The following ATP11C variants were observed in gnomAD, a reference collection of about 807,000 sequenced individuals.
ATP11C encodes phospholipid-transporting ATPase IG.
In ATP11C, 36 loss-of-function variants were observed where a neutral mutation model predicts 97.4. The ratio of observed to expected loss-of-function variants is 0.37; its 90% CI spans 0.28 to 0.49. ATP11C has a LOEUF of 0.49. ATP11C is among the 20% of genes least tolerant of loss of function. ATP11C has a pLI of 0.98. For missense variants in ATP11C, 730 were observed against 824.6 expected (o/e 0.89, Z 1.40); for synonymous variants, 275 against 290.9 (o/e 0.95, Z 0.56).
intron 19 of ATP11C, among the ~76,000 whole-genome samples, chrX:139,770,104 G>C (rs1439689623): frequency 9.0e-6 from 1 of 111,651 alleles, no homozygotes; most frequent in Non-Finnish European, 1.9e-5. Context: ...TACTTATGGG[G>C]CTGAAAACAG....
At chrX:139,845,702 A>T (rs1156283067) in intron 1 of ATP11C, among the ~76,000 whole-genome samples, 1 of 112,326 alleles carries the variant, frequency 8.9e-6, no homozygotes, top group Non-Finnish European at 1.9e-5. Flanking sequence ...GTCTTTATTC[A>T]TAATTCCCTC....
chrX:139,829,888 CCT>C (rs2083608910), intron 1 of ATP11C, among the ~76,000 whole-genome samples: 1 of 110,866 alleles, frequency 9.0e-6, no homozygotes, highest in Non-Finnish European at 1.9e-5. Flanking sequence ...CCCAAAATGG[CCT>C]CTCAATAAAA....
At chrX:139,776,652 G>A (rs967381844) in intron 18 of ATP11C, among the ~76,000 whole-genome samples, 7 of 111,025 alleles carry the variant, frequency 6.3e-5, no homozygotes, top group African/African-American at 9.9e-5. Flanking sequence ...TTCCCTCAGG[G>A]TAGGTGCTTC....
intron 1 of ATP11C, among the ~76,000 whole-genome samples, chrX:139,867,746 C>G (rs1440546819): frequency 8.9e-6 from 1 of 111,903 alleles, no homozygotes; most frequent in Non-Finnish European, 1.9e-5. Flanking sequence ...GGCCCAAGGG[C>G]AGGAGATGGA....
At position 139,774,889 on chromosome X, in the gene ATP11C, G is replaced by A; in HGVS notation, c.2017C>T (p.Leu673Phe). ...LHAAGLKVWV[L>F]TGDKMETAKS... is the part of the protein sequence containing the mutation. ...GCTGTCTCCATCTTGTCCCCAGTGA[G>A]CACCCAGACTTTCAGGCCTGCTGCA... is the stretch of plus-strand genomic sequence containing the variant. Residue 673 changes from leucine (L) to phenylalanine (F), a missense_variant, in exon 19 of 30, where the codon CTC becomes TTC. By Grantham distance (22) the Leu-to-Phe change is conservative. Coordinates refer to ENST00000682941, the MANE Select transcript of ATP11C (RefSeq NM_001353812.2). The A allele has an allele frequency of 8.3e-7, 1 of 1,211,531 alleles. No individual in the cohort carries two copies.
chrX:139,862,445 A>G (rs969278603), intron 1 of ATP11C, among the ~76,000 whole-genome samples: 1 of 111,195 alleles, frequency 9.0e-6, no homozygotes, highest in East Asian at 2.8e-4. Context: ...TACCTGTGGG[A>G]TCTGATGCTA....
chrX:139,783,428 T>C (rs1197263365), intron 16 of ATP11C, among the ~76,000 whole-genome samples, 161 bp from the exon 17 acceptor site: 1 of 112,153 alleles, frequency 8.9e-6, no homozygotes, highest in African/African-American at 3.2e-5. Context: ...TGGCCTTCAG[T>C]CTGTCAGAAA....
chrX:139,907,295 T>C (rs770979297), intron 1 of ATP11C, among the ~76,000 whole-genome samples: 1 of 111,802 alleles, frequency 8.9e-6, no homozygotes, highest in South Asian at 3.8e-4. Context: ...ATTTCTCCAA[T>C]GGCATGTGCG....
intron 22 of ATP11C, among the ~76,000 whole-genome samples, chrX:139,759,150 C>T (rs2081990684): frequency 9.0e-6 from 1 of 111,566 alleles, no homozygotes; most frequent in Non-Finnish European, 1.9e-5. Flanking sequence ...GCAGGTAGAG[C>T]TCAGTGGGGA....
At position 139,815,750 on chromosome X, in the gene ATP11C, T is replaced by C. The variant is rs760814821; in HGVS notation, c.319-765A>G. 3.6e-5 allele frequency among the ~76,000 whole-genome samples: 4 copies of C among 111,420 alleles called. No individual in the cohort carries two copies. The South Asian group carries it at 1.5e-3, about 42-fold the overall frequency. ...TTTTCGTTGTAAGAATGTCTGTACC[T>C]TTTCAAACACAACTGTTTGAAAAGT... On this transcript the variant is annotated intron_variant, in intron 4 of 29. Transcript: ENST00000682941.
intron 28 of ATP11C, 117 bp from the exon 29 acceptor site, chrX:139,731,872 G>A (rs1301993427): frequency 6.3e-6 from 2 of 315,353 alleles, no homozygotes; most frequent in African/African-American, 2.7e-5. Context: ...TACTCCTCTG[G>A]CCAAAAGTAC....
At chrX:139,912,222 AC>A (rs2085088599) in intron 1 of ATP11C, among the ~76,000 whole-genome samples, 1 of 109,884 alleles carries the variant, frequency 9.1e-6, no homozygotes, top group Admixed American at 9.9e-5. Flanking sequence ...TGAGTAAAAA[AC>A]AATATACAAA....
chrX:139,868,890 G>A (rs964894203), intron 1 of ATP11C, among the ~76,000 whole-genome samples: 1 of 111,607 alleles, frequency 9.0e-6, no homozygotes, highest in African/African-American at 3.3e-5. Flanking sequence ...TAATCATCAA[G>A]GAAATGCAAA....
chrX:139,889,538 A>G (rs1384713693), intron 1 of ATP11C, among the ~76,000 whole-genome samples: 6 of 111,893 alleles, frequency 5.4e-5, no homozygotes, highest in Non-Finnish European at 1.1e-4. Context: ...CGATTTTTAC[A>G]TACCTAAAAA....
chrX:139,769,618 G>T (rs2082215093), intron 19 of ATP11C, among the ~76,000 whole-genome samples: 2 of 109,857 alleles, frequency 1.8e-5, no homozygotes, highest in African/African-American at 6.6e-5. Flanking sequence ...AGAAAATTCT[G>T]CCAATTAACT....
At chrX:139,923,978 CTTCT>C (rs1475483035) in intron 1 of ATP11C, among the ~76,000 whole-genome samples, 1 of 110,836 alleles carries the variant, frequency 9.0e-6, no homozygotes, top group Non-Finnish European at 1.9e-5. Flanking sequence ...CCTATATAGT[CTTCT>C]TTGACAAAAT....
At chrX:139,745,370 A>G in intron 25 of ATP11C, among the ~76,000 whole-genome samples, 1 of 111,724 alleles carries the variant, frequency 9.0e-6, no homozygotes, top group Non-Finnish European at 1.9e-5. Flanking sequence ...GAAGGCCACT[A>G]TGAGTAAAAA....
chrX:139,887,272 A>G (rs1247023866), intron 1 of ATP11C, among the ~76,000 whole-genome samples: 1 of 112,001 alleles, frequency 8.9e-6, no homozygotes. Flanking sequence ...ATAGAAGCAA[A>G]TATTCATGAT....
intron 1 of ATP11C, among the ~76,000 whole-genome samples, chrX:139,910,833 A>C (rs1298607198): frequency 9.1e-6 from 1 of 110,287 alleles, no homozygotes; most frequent in Non-Finnish European, 1.9e-5. Context: ...TAAAAAAAAA[A>C]CCCTCTTTAA....
Sources: gnomAD v4.1 joint callset for allele counts (sites outside exome capture counted in the v4.1 genomes callset) on GRCh38, gnomAD v4.1.1 for gene constraint, MANE v1.5 for transcripts, NCBI Gene and HGNC (gene_info 2026-07-23, HGNC 2026-07-21) for gene names.